Variants in PAX5 observed in about 807,000 individuals in gnomAD.
The protein encoded by PAX5 is paired box protein Pax-5.
In PAX5, 9 loss-of-function variants were observed where a neutral mutation model predicts 43.7. The ratio of observed to expected loss-of-function variants is 0.21; its 90% CI spans 0.12 to 0.36. The LOEUF is 0.36. Among genes scored for constraint, PAX5 ranks in the 10% least tolerant of loss-of-function variants. The probability of loss-of-function intolerance (pLI) is 1.00; values close to 1 mark genes in which losing one functional copy is unlikely to be tolerated. For synonymous variants in PAX5, 228 were observed against 214.3 expected (o/e 1.06, Z -0.56); for missense variants, 383 against 532.7 (o/e 0.72, Z 2.77).
At chr9:37,026,986 C>A (rs1840453787) in intron 1 of PAX5, among the ~76,000 whole-genome samples, 1 of 152,212 alleles carries the variant, frequency 6.6e-6, no homozygotes, top group Non-Finnish European at 1.5e-5. Context: ...AACAATCGGC[C>A]CTTGACTTCA....
rs181561926 is a variant in PAX5, at chr9:36,857,685, G to A, written c.1013-10756C>T. 5.6e-4 allele frequency among the ~76,000 whole-genome samples: 85 copies of A among 152,320 alleles called. 1 individual carries two copies. The highest frequency in any genetic ancestry group is 3.4e-3 in the Middle Eastern group (1 of 294). On this transcript the variant is annotated intron_variant, in intron 8 of 9. Coordinates refer to ENST00000358127, the MANE Select transcript of PAX5 (RefSeq NM_016734.3). ...CTGCCAGCCCAGGCTGCATTGTTGA[G>A]TCAAAGTGTACTGCCTCTGTCCCCA... is the stretch of plus-strand genomic sequence containing the variant.
chr9:36,896,511 G>A (rs1827883104), intron 7 of PAX5, among the ~76,000 whole-genome samples: 1 of 152,124 alleles, frequency 6.6e-6, no homozygotes, highest in South Asian at 2.1e-4. Context: ...GTGCTGCAGA[G>A]AACATGCATT....
chr9:36,874,272 C>T (rs1398730636), intron 8 of PAX5, among the ~76,000 whole-genome samples: 1 of 152,206 alleles, frequency 6.6e-6, no homozygotes, highest in African/African-American at 2.4e-5. Flanking sequence ...CCAAAGCACC[C>T]TTCGCTTCTC....
chr9:37,022,403 G>A (rs1247644305), intron 1 of PAX5, among the ~76,000 whole-genome samples: 1 of 152,192 alleles, frequency 6.6e-6, no homozygotes, highest in Non-Finnish European at 1.5e-5. Context: ...TCTGGGGCTG[G>A]GAACACCTAT....
chr9:36,947,240 A>C (rs1474062207), intron 6 of PAX5, among the ~76,000 whole-genome samples: 1 of 152,192 alleles, frequency 6.6e-6, no homozygotes, highest in Non-Finnish European at 1.5e-5. Flanking sequence ...ATCCAAAGTG[A>C]CAAGCCCTGA....
intron 2 of PAX5, among the ~76,000 whole-genome samples, chr9:37,018,922 C>T (rs926006213): frequency 6.6e-6 from 1 of 152,082 alleles, no homozygotes; most frequent in South Asian, 2.1e-4. Context: ...TTGGATGTCC[C>T]CTCTGAAAAA....
In PAX5 at chr9:36,834,418, G is replaced by GTA. The variant is rs1821498149; in HGVS notation, c.*6141_*6142insTA. ...GTCTGAGGTGTAGGGGAGTGAGTGA[G>GTA]TGTGTGTGTGTGTGTGTGTGTGTGT... On this transcript the variant is annotated 3_prime_UTR_variant, in exon 10 of 10. Transcript: ENST00000358127. 1 of 38,936 alleles carries GTA rather than the reference G, an allele frequency of 2.6e-5. No homozygotes were observed. The highest frequency in any genetic ancestry group is 4.0e-5 in the Non-Finnish European group (1 of 24,948). 2.4% of individuals were successfully genotyped at this position (38,936 alleles called of 1,614,324 possible). A position where few individuals can be genotyped will look rare whatever the true frequency, so the allele number is the denominator to read the frequency against.
At position 37,020,907 on chromosome 9, in the gene PAX5, G is replaced by A. The variant is rs568085927; in HGVS notation, c.47-106C>T. The stretch of plus-strand genomic sequence containing the variant: ...AGAGCCCCTCTGATCACAAATGGCC[G>A]GCAGGCTGGATGTCTCGCGCCTGGA... On this transcript the variant is annotated intron_variant, in intron 1 of 9. Transcript: ENST00000358127. 3.5e-5 allele frequency: 43 copies of A among 1,228,244 alleles called. No individual in the cohort carries two copies. In the East Asian group the frequency reaches 5.7e-4, roughly 16 times the overall value. The allele number at this position is 1,228,244 out of a possible 1,614,324, so 76.1% of individuals were successfully genotyped here.
At chr9:36,971,101 C>T (rs141767361) in intron 5 of PAX5, among the ~76,000 whole-genome samples, 137 of 152,288 alleles carry the variant, frequency 9.0e-4, no homozygotes, top group Middle Eastern at 3.4e-3. Context: ...AGTGCTAATG[C>T]CAGGGACACA....
intron 6 of PAX5, among the ~76,000 whole-genome samples, chr9:36,954,819 A>G (rs1421345904): frequency 1.3e-5 from 2 of 151,640 alleles, no homozygotes; most frequent in African/African-American, 4.8e-5. Context: ...CTCTGTTTTT[A>G]TTTTTCCATG....
Position 36,840,355 on chromosome 9 carries a change from T to TAGAAATAGACA in PAX5, c.*194_*204dup, listed in dbSNP as rs1196203499. ...CGGGAGAAGCTCATAGATTGGCTTT[T>TAGAAATAGACA]AGAAATAGACAAGCATCCAGAAGTC... On this transcript the variant is annotated 3_prime_UTR_variant, in exon 10 of 10. Coordinates refer to ENST00000358127, the MANE Select transcript of PAX5 (RefSeq NM_016734.3). 1.6e-5 allele frequency: 10 copies of TAGAAATAGACA among 625,602 alleles called. No homozygotes were observed. The highest frequency in any genetic ancestry group is 2.8e-5 in the Non-Finnish European group (10 of 352,504). 38.8% of individuals were successfully genotyped at this position (625,602 alleles called of 1,614,324 possible).
chr9:36,856,296 A>T (rs989833975), intron 8 of PAX5, among the ~76,000 whole-genome samples: 1 of 152,176 alleles, frequency 6.6e-6, no homozygotes, highest in African/African-American at 2.4e-5. Flanking sequence ...AAACATGGAG[A>T]CAGCAAGGCA....
At chr9:36,943,561 C>CACACAA in intron 6 of PAX5, among the ~76,000 whole-genome samples, 1 of 152,090 alleles carries the variant, frequency 6.6e-6, no homozygotes, top group Admixed American at 6.6e-5. Context: ...CACACACACA[C>CACACAA]ACACACAGCT....
chr9:36,904,627 C>T (rs1828672739), intron 7 of PAX5, among the ~76,000 whole-genome samples: 1 of 150,952 alleles, frequency 6.6e-6, no homozygotes, highest in African/African-American at 2.4e-5. Context: ...AAAAAAAAGG[C>T]AGCAGACTAG....
At chr9:36,867,251 C>G (rs956730846) in intron 8 of PAX5, among the ~76,000 whole-genome samples, 1 of 152,312 alleles carries the variant, frequency 6.6e-6, no homozygotes, top group Non-Finnish European at 1.5e-5. Context: ...CTATGGGAAA[C>G]TGCTTCAACC....
intron 5 of PAX5, among the ~76,000 whole-genome samples, chr9:36,999,831 C>A (rs992834792): frequency 1.3e-5 from 2 of 152,136 alleles, no homozygotes; most frequent in Non-Finnish European, 2.9e-5. Context: ...CAACCTCTGG[C>A]CTTCAGGTCT....
intron 5 of PAX5, among the ~76,000 whole-genome samples, chr9:36,987,664 T>G (rs1390979774): frequency 6.6e-6 from 1 of 152,072 alleles, no homozygotes; most frequent in East Asian, 1.9e-4. Flanking sequence ...TTTGGGGAGC[T>G]AGGAAGGAGT....
chr9:36,855,127 G>A (rs1178961434), intron 8 of PAX5, among the ~76,000 whole-genome samples: 1 of 152,260 alleles, frequency 6.6e-6, no homozygotes, highest in African/African-American at 2.4e-5. Flanking sequence ...ACTCCACTGC[G>A]GCATCACGGT....
intron 7 of PAX5, among the ~76,000 whole-genome samples, chr9:36,904,739 A>T (rs1039240159): frequency 6.6e-6 from 1 of 152,238 alleles, no homozygotes; most frequent in African/African-American, 2.4e-5. Context: ...TGTGTGAATC[A>T]TGTCAATAAC....
Sources: allele counts gnomAD v4.1 joint callset (sites outside exome capture counted in the v4.1 genomes callset), GRCh38; gene constraint gnomAD v4.1.1; transcripts MANE v1.5; gene names NCBI Gene and HGNC (gene_info 2026-07-23, HGNC 2026-07-21).